CACNA1D: variants seen among roughly 807,000 people sequenced by gnomAD.
CACNA1D encodes voltage-dependent L-type calcium channel subunit alpha-1D.
Under a neutral mutation model 257.1 loss-of-function variants are expected in CACNA1D, and 55 were observed. The observed-to-expected ratio is 0.21, with a 90% confidence interval of 0.17 to 0.27. The LOEUF is 0.27. CACNA1D is among the 10% of genes least tolerant of loss of function. The pLI is 1.00. For synonymous variants in CACNA1D, 980 were observed against 1,014.9 expected (o/e 0.97, Z 0.65); for missense variants, 1,876 against 2,784.0 (o/e 0.67, Z 7.34).
chr3:53,790,662 G>T (rs894826230), intron 40 of CACNA1D, among the ~76,000 whole-genome samples: 25 of 152,258 alleles, frequency 1.6e-4, no homozygotes, highest in Non-Finnish European at 8.8e-5. Context: ...AGGTGGTTGA[G>T]GGGAGATGTG....
At chr3:53,725,312 A>T (rs186893577) in intron 14 of CACNA1D, among the ~76,000 whole-genome samples, 1 of 152,224 alleles carries the variant, frequency 6.6e-6, no homozygotes, top group South Asian at 2.1e-4. Context: ...CGCTGCGTCC[A>T]TGCGGTGGTA....
At chr3:53,709,753 G>A (rs1009516865) in intron 9 of CACNA1D, among the ~76,000 whole-genome samples, 8 of 152,308 alleles carry the variant, frequency 5.3e-5, no homozygotes, top group East Asian at 1.9e-4. Flanking sequence ...TGGGAGAGTC[G>A]TAGTGATGAC....
intron 3 of CACNA1D, among the ~76,000 whole-genome samples, chr3:53,552,394 T>G (rs2092552755): frequency 6.8e-6 from 1 of 146,222 alleles, no homozygotes; most frequent in Non-Finnish European, 1.6e-5. Flanking sequence ...TCTTTTTCTT[T>G]TTTTGAGACA....
At chr3:53,680,302 C>T (rs1389599691) in intron 8 of CACNA1D, among the ~76,000 whole-genome samples, 7 of 152,088 alleles carry the variant, frequency 4.6e-5, no homozygotes, top group African/African-American at 1.7e-4. Flanking sequence ...TTCAGTAGAG[C>T]TCTCACTTGT....
At chr3:53,540,562 T>TA (rs1397184357) in intron 3 of CACNA1D, among the ~76,000 whole-genome samples, 4 of 151,946 alleles carry the variant, frequency 2.6e-5, no homozygotes, top group Admixed American at 6.6e-5. Flanking sequence ...TATGATCTTT[T>TA]AAAAAAAGTC....
intron 7 of CACNA1D, among the ~76,000 whole-genome samples, chr3:53,669,258 G>A (rs1171526973): frequency 6.6e-6 from 1 of 152,244 alleles, no homozygotes; most frequent in Non-Finnish European, 1.5e-5. Context: ...AAGCCACACC[G>A]CTGTGATACA....
chr3:53,637,161 G>C (rs2093894248), intron 3 of CACNA1D, among the ~76,000 whole-genome samples: 1 of 152,180 alleles, frequency 6.6e-6, no homozygotes, highest in African/African-American at 2.4e-5. Flanking sequence ...AGTAGAGTTG[G>C]AAAGTCCCAA....
At position 53,723,737 on chromosome 3, in the gene CACNA1D, T is replaced by A; in HGVS notation, c.1893-55T>A. The A allele has an allele frequency of 3.8e-6, 6 of 1,588,562 alleles. No individual in the cohort carries two copies. In the South Asian group the frequency reaches 6.6e-5, roughly 18 times the overall value. On this transcript the variant is annotated intron_variant, in intron 13 of 47. Transcript: ENST00000350061. This position sits in a 1 kb window ranked among gnomAD's most constrained non-coding sequence, Gnocchi z 5.6. ...CAGTCACATCCCCGGGCAGGTGATG[T>A]TCTGCTCTGTCCTGCATGGGTGTTC...
intron 3 of CACNA1D, among the ~76,000 whole-genome samples, chr3:53,510,439 C>T (rs766353941): frequency 6.6e-6 from 1 of 152,138 alleles, no homozygotes; most frequent in Non-Finnish European, 1.5e-5. Flanking sequence ...TATGAATGTA[C>T]CACAGTTTAT....
Position 53,666,547 on chromosome 3 carries a change from G to T in CACNA1D, c.1116+12G>T. On this transcript the variant is annotated intron_variant, in intron 7 of 47. Coordinates refer to ENST00000350061, the MANE Select transcript of CACNA1D (RefSeq NM_001128840.3). ...ATGTGCTCTACTGGGTAAGTACCCT[G>T]GGGAGAGAGTTTATGGAGTGTTCTT... The T allele has an allele frequency of 6.2e-7, 1 of 1,603,960 alleles. No individual in the cohort carries two copies. The highest frequency in any genetic ancestry group is 8.5e-7 in the Non-Finnish European group (1 of 1,170,890).
In CACNA1D at chr3:53,726,957, A is replaced by G. The variant is rs2094941339; in HGVS notation, c.2179A>G (p.Ile727Val). 1 of 1,614,154 alleles carries G rather than the reference A, an allele frequency of 6.2e-7. No individual in the cohort carries two copies. ...CGGGGGCCCATCCTCTTCAGGAATG[A>G]TCGTCTGCATCTACTTCATCATCCT... ...AYGGPSSSGMIVCIYFIILFI... is the reference protein window; with the variant it reads ...AYGGPSSSGMVVCIYFIILFI... The change falls in exon 15 of 48, where the codon ATC becomes GTC. Residue 727 changes from isoleucine to valine, a missense_variant. Physicochemically the swap from Ile to Val is conservative, Grantham distance 29. Transcript: ENST00000350061.
At chr3:53,600,273 T>C (rs561707019) in intron 3 of CACNA1D, among the ~76,000 whole-genome samples, 1 of 152,350 alleles carries the variant, frequency 6.6e-6, no homozygotes, top group Admixed American at 6.5e-5. Context: ...TTCAGCTTCC[T>C]CCTCAATTGA....
chr3:53,538,358 T>C (rs2092191159), intron 3 of CACNA1D, among the ~76,000 whole-genome samples: 2 of 152,052 alleles, frequency 1.3e-5, no homozygotes, highest in Non-Finnish European at 2.9e-5. Flanking sequence ...GGTTTCACTG[T>C]GTTGCCCAGG....
intron 3 of CACNA1D, among the ~76,000 whole-genome samples, chr3:53,602,256 G>C (rs1559902159): frequency 6.6e-6 from 1 of 152,104 alleles, no homozygotes; most frequent in African/African-American, 2.4e-5. Context: ...AATGACCCTG[G>C]TTCCATCCAA....
At chr3:53,521,001 T>A (rs955840555) in intron 3 of CACNA1D, among the ~76,000 whole-genome samples, 1 of 151,532 alleles carries the variant, frequency 6.6e-6, no homozygotes, top group African/African-American at 2.4e-5. Flanking sequence ...TCTTTCTTTC[T>A]TCTTTTTTTC....
In CACNA1D at chr3:53,800,345, G is replaced by A. The variant is rs903894477; in HGVS notation, c.5020G>A (p.Glu1674Lys). The A allele has an allele frequency of 7.5e-6, 12 of 1,610,470 alleles. No individual in the cohort carries two copies. The Admixed American group carries it at 1.5e-4, about 20-fold the overall frequency. ...CGAGCCTGAGGAAACAAAACGAGAA[G>A]AAGAAGATGATGTGTTCAAAGTAAT... ...DDEPEETKRE[E>K]EDDVFKRNGA... The change falls in exon 41 of 48, where the codon GAA (glutamate) becomes AAA (lysine). Residue 1674 changes from glutamate (E) to lysine (K), a missense_variant. Coordinates refer to ENST00000350061, the MANE Select transcript of CACNA1D (RefSeq NM_001128840.3). This position sits in a 1 kb window ranked among gnomAD's most constrained non-coding sequence, Gnocchi z 4.3.
intron 37 of CACNA1D, among the ~76,000 whole-genome samples, chr3:53,778,505 G>T (rs912856639): frequency 6.6e-6 from 1 of 152,206 alleles, no homozygotes; most frequent in African/African-American, 2.4e-5. Flanking sequence ...CATCAATATG[G>T]AAGAGAAAGA....
intron 18 of CACNA1D, 123 bp from the exon 19 acceptor site, chr3:53,732,692 T>A: frequency 6.6e-6 from 6 of 904,822 alleles, no homozygotes; most frequent in Non-Finnish European, 1.1e-5. Flanking sequence ...AGGAGGGTTT[T>A]GATTCATGTA....
At chr3:53,694,598 A>G (rs779366412) in intron 8 of CACNA1D, among the ~76,000 whole-genome samples, 21 of 152,122 alleles carry the variant, frequency 1.4e-4, no homozygotes, top group Non-Finnish European at 2.6e-4. Context: ...TGTGAAATGG[A>G]TGTGAAAATC....
Sources: gnomAD v4.1 joint callset for allele counts (sites outside exome capture counted in the v4.1 genomes callset) on GRCh38, gnomAD v4.1.1 for gene constraint, Gnocchi (gnomAD v3.1) non-coding constraint, MANE v1.5 for transcripts, NCBI Gene and HGNC (gene_info 2026-07-23, HGNC 2026-07-21) for gene names.